The following DMRT1 variants were observed in gnomAD, a reference collection of about 807,000 sequenced individuals.
DMRT1 encodes doublesex- and mab-3-related transcription factor 1.
Under a neutral mutation model 32.3 loss-of-function variants are expected in DMRT1, and 7 were observed. The ratio of observed to expected loss-of-function variants is 0.22; its 90% CI spans 0.12 to 0.41. The LOEUF is 0.41. Ranked by LOEUF, DMRT1 falls within the 10% of genes least tolerant of loss-of-function variation. The pLI is 1.00. For missense variants in DMRT1, 625 were observed against 500.5 expected (o/e 1.25, Z -2.37); for synonymous variants, 278 against 206.1 (o/e 1.35, Z -2.99).
chr9:867,108 G>T lies in DMRT1; in HGVS notation c.538+19965G>T, dbSNP rs369184375. 8.5e-5 allele frequency among the ~76,000 whole-genome samples: 13 copies of T among 152,248 alleles called. 2 individuals are homozygous for T. Among genetic ancestry groups the T allele is most frequent in the Admixed American group, 5.9e-4 (9 of 15,290 alleles). On this transcript the variant is annotated intron_variant, in intron 2 of 4. Coordinates refer to ENST00000382276, the MANE Select transcript of DMRT1 (RefSeq NM_021951.3). ...TATTTGAAAGGTAATATAAAAGAGG[G>T]AGAGAGATTATTTACAGCAGTGGAG...
rs1190808134 is a variant in DMRT1 at position 847,105 on chromosome 9, A to G, written c.500A>G (p.Gln167Arg). 1.9e-6 allele frequency: 3 copies of G among 1,613,544 alleles called. No homozygotes were observed. The highest frequency in any genetic ancestry group is 2.5e-6 in the Non-Finnish European group (3 of 1,180,026). The change falls in exon 2 of 5, where the codon CAG (glutamine) becomes CGG (arginine). Residue 167 changes from glutamine to arginine, a missense_variant. By Grantham distance (43) the Gln-to-Arg change is conservative (BLOSUM62 1). Around this residue, in one of 3 missense-constraint regions of DMRT1, gnomAD observed 416 missense variants for 321.6 expected, o/e 1.29. Coordinates refer to ENST00000382276, the MANE Select transcript of DMRT1 (RefSeq NM_021951.3). ...CLMTECSGTS[Q>R]PPPASVPTTA... ...ATGACTGAGTGCAGTGGCACCTCTC[A>G]GCCACCGCCGGCCAGTGTCCCCACC...
At chr9:934,684 A>G (rs538032857) in intron 4 of DMRT1, among the ~76,000 whole-genome samples, 1 of 152,352 alleles carries the variant, frequency 6.6e-6, no homozygotes, top group Admixed American at 6.5e-5. Flanking sequence ...GTAAGGGAAG[A>G]GTCCAGCTTC....
chr9:941,386 T>G (rs574320008), intron 4 of DMRT1, among the ~76,000 whole-genome samples: 1 of 142,338 alleles, frequency 7.0e-6, no homozygotes, highest in South Asian at 2.2e-4. Context: ...TGACTCATGT[T>G]ATAACATGGA....
chr9:954,421 A>G (rs899386738), intron 4 of DMRT1, among the ~76,000 whole-genome samples: 1 of 151,922 alleles, frequency 6.6e-6, no homozygotes, highest in African/African-American at 2.4e-5. Flanking sequence ...GGATATGTGT[A>G]AGGAGGGATG....
At chr9:904,330 A>T (rs1009538821) in intron 3 of DMRT1, among the ~76,000 whole-genome samples, 1 of 152,190 alleles carries the variant, frequency 6.6e-6, no homozygotes, top group African/African-American at 2.4e-5. Context: ...CAGAACGTTT[A>T]ATTACATGTA....
intron 4 of DMRT1, among the ~76,000 whole-genome samples, chr9:957,752 G>C (rs1819644215): frequency 6.6e-6 from 1 of 152,206 alleles, no homozygotes; most frequent in African/African-American, 2.4e-5. Context: ...GCTCGCGCCT[G>C]TAATCCCAGC....
intron 2 of DMRT1, among the ~76,000 whole-genome samples, chr9:873,609 G>A (rs1359208907): frequency 2.0e-5 from 3 of 152,054 alleles, no homozygotes; most frequent in Non-Finnish European, 2.9e-5. Context: ...GTGATCCACC[G>A]CGCCCAGCCT....
At chr9:903,983 T>C (rs1002160922) in intron 3 of DMRT1, among the ~76,000 whole-genome samples, 2 of 152,228 alleles carry the variant, frequency 1.3e-5, no homozygotes, top group African/African-American at 4.8e-5. Context: ...ATGACTTCAG[T>C]GTGATCTGGG....
chr9:847,121 T>G lies in DMRT1; in HGVS notation c.516T>G (p.Ser172Arg). The G allele has an allele frequency of 6.2e-7, 1 of 1,613,210 alleles. No homozygotes were observed. Among genetic ancestry groups the G allele is most frequent in the Non-Finnish European group, 8.5e-7 (1 of 1,179,984 alleles). Residue 172 changes from serine (S) to arginine (R), a missense_variant, in exon 2 of 5, where the codon AGT (serine) becomes AGG (arginine). This residue lies in a region of DMRT1 where 416 missense variants were observed against 321.6 expected (regional missense o/e 1.29). Coordinates refer to ENST00000382276, the MANE Select transcript of DMRT1 (RefSeq NM_021951.3). ...GCACCTCTCAGCCACCGCCGGCCAGTGTCCCCACCACTGCAGCTTCAGGTA... is the reference window on the plus strand; with the variant it reads ...GCACCTCTCAGCCACCGCCGGCCAGGGTCCCCACCACTGCAGCTTCAGGTA... ...CSGTSQPPPA[S>R]VPTTAASEGR...
At chr9:964,165 A>G (rs1291137529) in intron 4 of DMRT1, among the ~76,000 whole-genome samples, 2 of 152,140 alleles carry the variant, frequency 1.3e-5, no homozygotes, top group African/African-American at 4.8e-5. Flanking sequence ...GGTCTTTGCA[A>G]TGTCAAAAGA....
rs541047617 is a variant in DMRT1 at position 968,515 on chromosome 9, G to T, written c.*376G>T. 1.5e-3 allele frequency: 222 copies of T among 152,210 alleles called. No homozygotes were observed. Among genetic ancestry groups the T allele is most frequent in the Middle Eastern group, 0.011 (3 of 280 alleles). 9.4% of individuals were successfully genotyped at this position (152,210 alleles called of 1,614,324 possible). On this transcript the variant is annotated 3_prime_UTR_variant, in exon 5 of 5. Transcript: ENST00000382276. The stretch of plus-strand genomic sequence containing the variant: ...AAATGAAATCTTAGGTGCCTTAGGG[G>T]TTTTTTTTTTTTTTAAGTATTTTTT...
chr9:892,610 C>G (rs570829368), intron 2 of DMRT1, among the ~76,000 whole-genome samples: 1 of 152,226 alleles, frequency 6.6e-6, no homozygotes, highest in East Asian at 1.9e-4. Flanking sequence ...TGGTGGTTCC[C>G]TAGCAGGTCT....
chr9:863,255 C>T lies in DMRT1; in HGVS notation c.538+16112C>T, dbSNP rs541783149. Among the ~76,000 whole-genome samples the T allele has an allele frequency of 3.4e-4, 51 of 149,474 alleles. 1 individual carries two copies. The highest frequency in any genetic ancestry group is 5.3e-4 in the Non-Finnish European group (36 of 67,712). On this transcript the variant is annotated intron_variant, in intron 2 of 4. Transcript: ENST00000382276. ...ATTGCCTGACCCCAGGATTTCAAGG[C>T]TGCAGTGAACAGTGATCATGCCACT...
intron 4 of DMRT1, among the ~76,000 whole-genome samples, chr9:927,785 C>G (rs1425489584): frequency 6.6e-6 from 1 of 152,084 alleles, no homozygotes; most frequent in Non-Finnish European, 1.5e-5. Flanking sequence ...TTGGGGGGAA[C>G]TAGAGTAGAT....
At chr9:854,346 G>A (rs1213810520) in intron 2 of DMRT1, among the ~76,000 whole-genome samples, 4 of 151,764 alleles carry the variant, frequency 2.6e-5, no homozygotes, top group Admixed American at 6.6e-5. Flanking sequence ...GTGCAGTGGC[G>A]TGATCTTGAC....
chr9:880,971 G>C (rs1461138471), intron 2 of DMRT1, among the ~76,000 whole-genome samples: 1 of 152,112 alleles, frequency 6.6e-6, no homozygotes, highest in African/African-American at 2.4e-5. Context: ...AAGATGTAAG[G>C]GTGTGATTTC....
At chr9:955,840 G>A (rs756358401) in intron 4 of DMRT1, among the ~76,000 whole-genome samples, 10 of 152,190 alleles carry the variant, frequency 6.6e-5, no homozygotes, top group Non-Finnish European at 1.3e-4. Context: ...ATTACCAGTG[G>A]GGATGTGAAA....
intron 3 of DMRT1, 124 bp from the exon 4 acceptor site, chr9:916,639 C>G (rs567732645): frequency 4.0e-5 from 49 of 1,213,958 alleles, no homozygotes; most frequent in Non-Finnish European, 5.6e-5. Context: ...CCCAAGGTGT[C>G]GGGAACATAG....
At chr9:844,218 C>T in intron 1 of DMRT1, among the ~76,000 whole-genome samples, 1 of 152,212 alleles carries the variant, frequency 6.6e-6, no homozygotes, top group Non-Finnish European at 1.5e-5. Context: ...TCAGTATTTT[C>T]TACACCAGAA....
Sources: gnomAD v4.1 joint callset for allele counts (sites outside exome capture counted in the v4.1 genomes callset) on GRCh38, gnomAD v4.1.1 for gene constraint, gnomAD v4.1.1 regional missense constraint, MANE v1.5 for transcripts, NCBI Gene and HGNC (gene_info 2026-07-23, HGNC 2026-07-21) for gene names.